The following DNAH11 variants were observed in gnomAD, a reference collection of about 807,000 sequenced individuals.
The protein encoded by DNAH11 is axonemal beta dynein heavy chain 11.
Under a neutral mutation model 526.0 loss-of-function variants are expected in DNAH11, and 442 were observed. The ratio of observed to expected loss-of-function variants is 0.84; its 90% CI spans 0.78 to 0.91. The LOEUF is 0.91. Ranked by LOEUF, DNAH11 falls within the 40% of genes least tolerant of loss-of-function variation. DNAH11 has a pLI of 0.00. For missense variants in DNAH11, 6,989 were observed against 5,448.7 expected, an observed-to-expected ratio of 1.28 and a Z score of -8.90; for synonymous variants, 2,461 against 1,935.9, an observed-to-expected ratio of 1.27 and a Z score of -7.12.
rs1361276482 is a variant in DNAH11, at chr7:21,779,013, A to G, written c.9392A>G (p.Asn3131Ser). The change falls in exon 57 of 82, where the codon AAT becomes AGT. Residue 3131 changes from asparagine (N) to serine (S), a missense_variant. Asn to Ser is a conservative substitution (Grantham distance 46). Coordinates refer to ENST00000409508, the MANE Select transcript of DNAH11 (RefSeq NM_001277115.2). ...ASQEAELQLR[N>S]HDAEALITKI... The stretch of plus-strand genomic sequence containing the variant: ...CAAGAAGCCGAGCTGCAACTGAGAA[A>G]TCATGATGCCGAAGCTCTGATCACA... 5.0e-6 allele frequency: 8 copies of G among 1,613,324 alleles called. No homozygotes were observed. Among genetic ancestry groups the G allele is most frequent in the African/African-American group, 4.0e-5 (3 of 74,914 alleles).
rs748431050 is a variant in DNAH11, at chr7:21,590,970, A to G, written c.2222A>G (p.Asp741Gly). The stretch of plus-strand genomic sequence containing the variant: ...TATCTTTTGATGTTGAAGAAACAAG[A>G]CATACCAGATTCAGCTTTAGCCATC... ...VKYLLMLKKQDIPDSALAIFK... is the reference protein window; with the variant it reads ...VKYLLMLKKQGIPDSALAIFK... The change falls in exon 13 of 82, where the codon GAC becomes GGC. Residue 741 changes from aspartate to glycine, a missense_variant. Asp to Gly is a moderately conservative substitution (Grantham distance 94). Transcript: ENST00000409508. The G allele has an allele frequency of 3.9e-6, 6 of 1,522,086 alleles. No individual in the cohort carries two copies. The African/African-American group carries it at 8.6e-5, about 22-fold the overall frequency. 94.3% of individuals were successfully genotyped at this position (1,522,086 alleles called of 1,614,324 possible).
Position 21,738,794 on chromosome 7 carries a change from T to TG in DNAH11, c.7740dup (p.Pro2581AlafsTer2). 1 of 1,601,900 alleles carries TG rather than the reference T, an allele frequency of 6.2e-7. No homozygotes were observed. The highest frequency in any genetic ancestry group is 1.3e-5 in the African/African-American group (1 of 74,788). ...ATTTATTTTATCGACGACATGAACA[T>TG]GCCTGAAGTGGACTTATATGGCACC... On this transcript the variant is annotated frameshift_variant, in exon 47 of 82. Coordinates refer to ENST00000409508, the MANE Select transcript of DNAH11 (RefSeq NM_001277115.2). LOFTEE classifies it high-confidence loss of function.
intron 61 of DNAH11, among the ~76,000 whole-genome samples, chr7:21,795,662 A>G (rs937008923): frequency 6.6e-6 from 1 of 152,226 alleles, no homozygotes; most frequent in East Asian, 1.9e-4. Context: ...TTAGCAATCA[A>G]CGAACGTTTT....
chr7:21,763,392 T>A (rs1391856659), intron 54 of DNAH11, among the ~76,000 whole-genome samples: 3 of 133,010 alleles, frequency 2.3e-5, no homozygotes, highest in Admixed American at 7.4e-5. Context: ...CCAACAGGTA[T>A]AGGAAAAGAT....
At chr7:21,622,605 C>G (rs535872664) in intron 25 of DNAH11, among the ~76,000 whole-genome samples, 41 of 152,272 alleles carry the variant, frequency 2.7e-4, no homozygotes, top group African/African-American at 9.4e-4. Context: ...CAGCATGGTA[C>G]TGGTACCAAA....
intron 65 of DNAH11, among the ~76,000 whole-genome samples, chr7:21,832,431 G>A (rs1325922999): frequency 6.6e-6 from 1 of 152,152 alleles, no homozygotes; most frequent in Non-Finnish European, 1.5e-5. Context: ...ATGAAGCTTA[G>A]TTTGGCTGGC....
intron 25 of DNAH11, among the ~76,000 whole-genome samples, chr7:21,630,153 T>C (rs770142378): frequency 8.6e-5 from 13 of 152,042 alleles, no homozygotes; most frequent in Non-Finnish European, 1.9e-4. Context: ...TGACAACTTA[T>C]ATTAGATCAC....
Position 21,657,761 on chromosome 7 carries a change from A to C in DNAH11, c.5095-1037A>C, listed in dbSNP as rs1330645453. Among the ~76,000 whole-genome samples the C allele has an allele frequency of 2.0e-5, 3 of 152,196 alleles. 1 individual carries two copies. The highest frequency in any genetic ancestry group is 7.2e-5 in the African/African-American group (3 of 41,472). ...GAACTCATGCATGTTAACAAAGCAC[A>C]GTTGTGAAGCCAGAGGGAAGGCCCT... On this transcript the variant is annotated intron_variant, in intron 29 of 81. Coordinates refer to ENST00000409508, the MANE Select transcript of DNAH11 (RefSeq NM_001277115.2).
At chr7:21,820,042 A>G (rs1789988998) in intron 65 of DNAH11, among the ~76,000 whole-genome samples, 1 of 152,138 alleles carries the variant, frequency 6.6e-6, no homozygotes, top group Non-Finnish European at 1.5e-5. Context: ...TGTGGGAACA[A>G]CCACTTGTTT....
intron 55 of DNAH11, among the ~76,000 whole-genome samples, chr7:21,768,184 A>T (rs1403073372): frequency 6.6e-6 from 1 of 152,200 alleles, no homozygotes; most frequent in Admixed American, 6.5e-5. Context: ...AGATTTTGAA[A>T]TGGAGATGGG....
At chr7:21,637,542 C>T (rs1185269736) in intron 26 of DNAH11, 69 bp from the exon 27 acceptor site, 3 of 1,063,338 alleles carry the variant, frequency 2.8e-6, no homozygotes, top group South Asian at 2.8e-5. Flanking sequence ...TTTTTTAATT[C>T]TTGAAATGAT....
chr7:21,574,789 C>G (rs528223428), intron 8 of DNAH11, among the ~76,000 whole-genome samples: 29 of 150,376 alleles, frequency 1.9e-4, no homozygotes, highest in African/African-American at 7.1e-4. Flanking sequence ...TGGTCTCAAA[C>G]TCCCGACCTC....
At chr7:21,861,418 A>G (rs892658951) in intron 68 of DNAH11, among the ~76,000 whole-genome samples, 1 of 152,268 alleles carries the variant, frequency 6.6e-6, no homozygotes, top group African/African-American at 2.4e-5. Context: ...ATTAAACGGT[A>G]TAATTTATGT....
intron 65 of DNAH11, among the ~76,000 whole-genome samples, chr7:21,818,566 CA>C (rs1477538845): frequency 6.6e-6 from 1 of 151,956 alleles, no homozygotes; most frequent in Non-Finnish European, 1.5e-5. Flanking sequence ...ATTTATGGGC[CA>C]AAAAATGTAT....
intron 45 of DNAH11, among the ~76,000 whole-genome samples, chr7:21,734,874 C>A (rs73275654): frequency 0.13 from 20,263 of 150,842 alleles, 1,652 homozygotes; most frequent in African/African-American, 0.23. Context: ...AATAGTCATT[C>A]AAAAAACTCA....
chr7:21,646,090 A>T (rs1402698769), intron 28 of DNAH11, among the ~76,000 whole-genome samples: 1 of 152,212 alleles, frequency 6.6e-6, no homozygotes, highest in Non-Finnish European at 1.5e-5. Context: ...CAACAAAAAA[A>T]CAAAGGCAGA....
intron 35 of DNAH11, among the ~76,000 whole-genome samples, chr7:21,695,784 T>G (rs556028500): frequency 6.6e-6 from 1 of 152,136 alleles, no homozygotes; most frequent in Non-Finnish European, 1.5e-5. Flanking sequence ...CAAAAGAAAC[T>G]GTCATCAGAG....
rs1446910371 is a variant in DNAH11, at chr7:21,543,553, T to A, written c.308T>A (p.Val103Glu). 6.2e-7 allele frequency: 1 copy of A among 1,607,992 alleles called. No individual in the cohort carries two copies. The highest frequency in any genetic ancestry group is 8.5e-7 in the Non-Finnish European group (1 of 1,177,214). ...GAAAGCACCAGCCCGGCTTGCCTTG[T>A]GTTTAGCTTCGCCGCCTCGGGGCGC... Reference protein sequence around the residue: ...FLESTSPACLVFSFAASGRLA... With the variant: ...FLESTSPACLEFSFAASGRLA... The change falls in exon 1 of 82, where the codon GTG (valine) becomes GAG (glutamate). Residue 103 changes from valine to glutamate, a missense_variant. By Grantham distance (121) the Val-to-Glu change is moderately radical (BLOSUM62 -2). Transcript: ENST00000409508.
chr7:21,830,404 C>T (rs1790500092), intron 65 of DNAH11, among the ~76,000 whole-genome samples: 1 of 152,210 alleles, frequency 6.6e-6, no homozygotes, highest in Admixed American at 6.5e-5. Context: ...TGACCAAAGA[C>T]TAGCAGGGCG....
Sources: allele counts gnomAD v4.1 joint callset (sites outside exome capture counted in the v4.1 genomes callset), GRCh38; gene constraint gnomAD v4.1.1; transcripts MANE v1.5; gene names NCBI Gene and HGNC (gene_info 2026-07-23, HGNC 2026-07-21).